The following TLCD4 variants were observed in gnomAD, a reference collection of about 807,000 sequenced individuals.
TLCD4 encodes the protein TLC domain containing 4.
In TLCD4, 7 loss-of-function variants were observed where a neutral mutation model predicts 24.2. The ratio of observed to expected loss-of-function variants is 0.29; its 90% CI spans 0.16 to 0.54. TLCD4 has a LOEUF of 0.54. Ranked by LOEUF, TLCD4 falls within the 20% of genes least tolerant of loss-of-function variation. The pLI, the probability that TLCD4 is intolerant of heterozygous loss-of-function variation, is 0.95. For synonymous variants in TLCD4, 103 were observed against 106.4 expected, an observed-to-expected ratio of 0.97 and a Z score of 0.20; for missense variants, 259 against 313.9, an observed-to-expected ratio of 0.82 and a Z score of 1.32.
chr1:95,171,471 G>A (rs1678220023), intron 5 of TLCD4, among the ~76,000 whole-genome samples: 1 of 152,090 alleles, frequency 6.6e-6, no homozygotes, highest in Non-Finnish European at 1.5e-5. Flanking sequence ...CATTGACATT[G>A]CCCGTTGGAT....
intron 6 of TLCD4, among the ~76,000 whole-genome samples, chr1:95,174,926 C>G (rs1678371187): frequency 6.6e-6 from 1 of 152,044 alleles, no homozygotes; most frequent in Non-Finnish European, 1.5e-5. Context: ...CAGGTGCCCA[C>G]CACCATGCCT....
intron 5 of TLCD4, chr1:95,163,634 G>C (rs998436284): frequency 2.6e-5 from 4 of 152,098 alleles, no homozygotes; most frequent in Admixed American, 2.6e-4. Flanking sequence ...CCATCTTTAT[G>C]GTTTTATCTA....
intron 1 of TLCD4, among the ~76,000 whole-genome samples, chr1:95,137,582 A>G (rs887813221): frequency 5.3e-5 from 8 of 152,044 alleles, no homozygotes; most frequent in African/African-American, 1.9e-4. Flanking sequence ...GGGGCTGGTA[A>G]TCCTAACCTC....
chr1:95,174,832 A>G (rs12060846), intron 6 of TLCD4, among the ~76,000 whole-genome samples: 3,438 of 152,174 alleles, frequency 0.023, 130 homozygotes, highest in African/African-American at 0.078. Context: ...CTAGAGTGCA[A>G]TGGCGCCATC....
intron 1 of TLCD4, among the ~76,000 whole-genome samples, chr1:95,126,778 C>T (rs1335669386): frequency 6.6e-6 from 1 of 152,142 alleles, no homozygotes; most frequent in South Asian, 2.1e-4. Context: ...ACATGATGGT[C>T]TCAGGGCAAT....
chr1:95,146,474 A>G (rs1429011930), intron 2 of TLCD4, among the ~76,000 whole-genome samples: 5 of 152,114 alleles, frequency 3.3e-5, no homozygotes, highest in Non-Finnish European at 7.4e-5. Context: ...TTGCTATTCT[A>G]AAATAGTCAT....
chr1:95,174,180 C>A, intron 6 of TLCD4: 1 of 395,848 alleles, frequency 2.5e-6, no homozygotes, highest in Non-Finnish European at 4.6e-6. Flanking sequence ...CCACGTTGTA[C>A]ACTGCAAGAT....
At chr1:95,114,788 T>G (rs2100890667), upstream of TLCD4, among the ~76,000 whole-genome samples, 1 of 151,448 alleles carries the variant, frequency 6.6e-6, no homozygotes, top group Non-Finnish European at 1.5e-5. Flanking sequence ...ATGGCACCAC[T>G]GCACTCCAGC....
chr1:95,129,401 T>C (rs940177692), intron 1 of TLCD4, among the ~76,000 whole-genome samples: 1 of 152,204 alleles, frequency 6.6e-6, no homozygotes, highest in Admixed American at 6.5e-5. Context: ...TCTATAGCCA[T>C]GAGCAATTCC....
chr1:95,111,133 TA>T, the TLCD4 span, among the ~76,000 whole-genome samples: 58 of 146,822 alleles, frequency 4.0e-4, no homozygotes, highest in East Asian at 4.0e-4. Flanking sequence ...CCACATAAAA[TA>T]AAAAAAAAAA....
chr1:95,135,393 C>T (rs904729156), intron 1 of TLCD4, among the ~76,000 whole-genome samples: 5 of 146,302 alleles, frequency 3.4e-5, no homozygotes, highest in African/African-American at 5.1e-5. Flanking sequence ...TTTTTTTGTA[C>T]ACTTTTTTTT....
intron 6 of TLCD4, among the ~76,000 whole-genome samples, chr1:95,183,685 C>T (rs1035130668): frequency 2.0e-5 from 3 of 151,750 alleles, no homozygotes; most frequent in Non-Finnish European, 4.4e-5. Flanking sequence ...ACTAAAAGTA[C>T]AAAAAAGAAT....
intron 6 of TLCD4, among the ~76,000 whole-genome samples, chr1:95,178,562 C>CG: frequency 1.2e-5 from 1 of 81,698 alleles, no homozygotes; most frequent in Non-Finnish European, 2.2e-5. Flanking sequence ...CATGCCCAGC[C>CG]CTTTTTTTTT....
chr1:95,127,659 T>C (rs1676775941), intron 1 of TLCD4, among the ~76,000 whole-genome samples: 3 of 152,124 alleles, frequency 2.0e-5, no homozygotes, highest in Admixed American at 2.0e-4. Context: ...CCTCTCTCTT[T>C]TTTCCCAAGA....
At chr1:95,180,447 G>A (rs1678593795) in intron 6 of TLCD4, among the ~76,000 whole-genome samples, 1 of 152,208 alleles carries the variant, frequency 6.6e-6, no homozygotes. Context: ...ATTGAGCACA[G>A]CTTCTGTCAG....
intron 6 of TLCD4, among the ~76,000 whole-genome samples, chr1:95,175,564 G>A (rs539731322): frequency 6.6e-6 from 1 of 152,304 alleles, no homozygotes; most frequent in East Asian, 1.9e-4. Context: ...AAGTGGGATT[G>A]CTGGATCATA....
chr1:95,099,008 G>A, the TLCD4 span, among the ~76,000 whole-genome samples: 37 of 122,080 alleles, frequency 3.0e-4, no homozygotes, highest in African/African-American at 9.7e-4. Flanking sequence ...AGCCGAGATC[G>A]TGCCATTGCA....
intron 1 of TLCD4, chr1:95,138,230 G>A (rs1315331178): frequency 6.6e-6 from 1 of 152,116 alleles, no homozygotes; most frequent in Non-Finnish European, 1.5e-5. Flanking sequence ...CAATTTCTTT[G>A]TATCCCTACT....
At chr1:95,094,020 C>CA in the TLCD4 span, among the ~76,000 whole-genome samples, 3 of 152,052 alleles carry the variant, frequency 2.0e-5, no homozygotes, top group Non-Finnish European at 1.5e-5. Context: ...TTGTTTTGAC[C>CA]AAAAAAATGC....
Sources: gnomAD v4.1 joint callset for allele counts (sites outside exome capture counted in the v4.1 genomes callset) on GRCh38, gnomAD v4.1.1 for gene constraint, MANE v1.5 for transcripts, NCBI Gene and HGNC (gene_info 2026-07-23, HGNC 2026-07-21) for gene names.